Variants in BCAS3 observed in about 807,000 individuals in gnomAD.
The protein encoded by BCAS3 is BCAS4/BCAS3 fusion.
Under a neutral mutation model 116.1 loss-of-function variants are expected in BCAS3, and 53 were observed. The ratio of observed to expected loss-of-function variants is 0.46; its 90% confidence interval spans 0.37 to 0.57. The LOEUF is 0.57. BCAS3 is among the 20% of genes least tolerant of loss of function. The pLI, the probability that BCAS3 is intolerant of heterozygous loss-of-function variation, is 0.00. For synonymous variants in BCAS3, 391 were observed against 408.2 expected, an observed-to-expected ratio of 0.96 and a Z score of 0.51; for missense variants, 917 against 1,165.4, an observed-to-expected ratio of 0.79 and a Z score of 3.10.
intron 15 of BCAS3, among the ~76,000 whole-genome samples, chr17:61,010,792 G>A (rs751958454): frequency 5.3e-5 from 8 of 151,916 alleles, no homozygotes; most frequent in East Asian, 1.9e-4. Context: ...TCCATCTATC[G>A]TGGGGACTGG....
intron 12 of BCAS3, among the ~76,000 whole-genome samples, chr17:60,915,290 A>G (rs2058721015): frequency 6.6e-6 from 1 of 152,128 alleles, no homozygotes; most frequent in Non-Finnish European, 1.5e-5. Context: ...ATGGACAATG[A>G]TACACTCTGT....
At chr17:60,976,787 A>G (rs1389763921) in intron 14 of BCAS3, among the ~76,000 whole-genome samples, 1 of 152,208 alleles carries the variant, frequency 6.6e-6, no homozygotes, top group African/African-American at 2.4e-5. Context: ...ATCCCAAGGC[A>G]GAAGAATTTT....
At chr17:60,923,986 C>T (rs2059236438) in intron 12 of BCAS3, among the ~76,000 whole-genome samples, 3 of 152,138 alleles carry the variant, frequency 2.0e-5, no homozygotes, top group African/African-American at 7.2e-5. Context: ...CCCCCCCATT[C>T]TTATATTTCA....
chr17:60,680,557 C>T (rs139358940), intron 2 of BCAS3, among the ~76,000 whole-genome samples: 226 of 151,954 alleles, frequency 1.5e-3, no homozygotes, highest in African/African-American at 3.7e-3. Flanking sequence ...GTATATGTCT[C>T]TGTTTTTGGC....
chr17:61,187,626 G>A (rs942217754), intron 22 of BCAS3, among the ~76,000 whole-genome samples: 1 of 152,174 alleles, frequency 6.6e-6, no homozygotes, highest in Non-Finnish European at 1.5e-5. Flanking sequence ...TGATGACTTT[G>A]CTCATTGGCA....
intron 16 of BCAS3, among the ~76,000 whole-genome samples, chr17:61,024,790 G>T (rs2066118026): frequency 6.6e-6 from 1 of 151,990 alleles, no homozygotes; most frequent in Non-Finnish European, 1.5e-5. Context: ...TTAGACACTT[G>T]AAGTTTTTGT....
intron 22 of BCAS3, among the ~76,000 whole-genome samples, chr17:61,359,404 G>A (rs1178890922): frequency 1.3e-5 from 2 of 151,696 alleles, no homozygotes; most frequent in African/African-American, 4.8e-5. Flanking sequence ...CTCCCACTGG[G>A]CAGTGGTAGA....
rs2061352736 is a variant in BCAS3, at chr17:60,960,301, T to C, written c.1221+12949T>C. 6.6e-6 allele frequency among the ~76,000 whole-genome samples: 1 copy of C among 152,176 alleles called. No homozygotes were observed. The highest frequency in any genetic ancestry group is 6.5e-5 in the Admixed American group (1 of 15,282). Reference sequence around the variant, plus strand: ...TTATCGGCTCAAAGGTCCAATCTTATCATCTCAATCATCTGACTCTGGTAT... The same window carrying C: ...TTATCGGCTCAAAGGTCCAATCTTACCATCTCAATCATCTGACTCTGGTAT... On this transcript the variant is annotated intron_variant, in intron 14 of 23. Coordinates refer to ENST00000407086, the MANE Select transcript of BCAS3 (RefSeq NM_017679.5). This position sits in a 1 kb window ranked among gnomAD's most constrained non-coding sequence, Gnocchi z 4.1.
intron 22 of BCAS3, among the ~76,000 whole-genome samples, chr17:61,293,542 T>C (rs1369810414): frequency 1.3e-5 from 2 of 152,200 alleles, no homozygotes; most frequent in Non-Finnish European, 2.9e-5. Context: ...CCGTAGAGGA[T>C]AGCAGAACAA....
At chr17:60,979,605 C>T (rs2062656350) in intron 14 of BCAS3, among the ~76,000 whole-genome samples, 1 of 147,874 alleles carries the variant, frequency 6.8e-6, no homozygotes, top group African/African-American at 2.6e-5. Flanking sequence ...CAGTTTTTGC[C>T]CATTCAGTAT....
At chr17:60,939,678 G>C (rs2060123705) in intron 13 of BCAS3, among the ~76,000 whole-genome samples, 1 of 152,162 alleles carries the variant, frequency 6.6e-6, no homozygotes, top group African/African-American at 2.4e-5. Flanking sequence ...GGAGAGGATG[G>C]TTTGCAAGTG....
Position 60,924,517 on chromosome 17 carries a change from T to TA in BCAS3, c.1087+17_1087+18insA. 73 of 1,490,600 alleles carry TA rather than the reference T, an allele frequency of 4.9e-5. No individual in the cohort carries two copies. The highest frequency in any genetic ancestry group is 5.6e-5 in the Non-Finnish European group (62 of 1,106,112). 92.3% of individuals were successfully genotyped at this position (1,490,600 alleles called of 1,614,324 possible). ...ATACAAGTGGTAAGTTCGCTCTCTG[T>TA]CTTTTTTTTTTTTTTTTTTGTAGAC... On this transcript the variant is annotated intron_variant, in intron 13 of 23. Coordinates refer to ENST00000407086, the MANE Select transcript of BCAS3 (RefSeq NM_017679.5).
chr17:61,247,599 C>T (rs1271780981), intron 22 of BCAS3, among the ~76,000 whole-genome samples: 2 of 152,172 alleles, frequency 1.3e-5, no homozygotes, highest in African/African-American at 2.4e-5. Flanking sequence ...TACCACCTAC[C>T]AGCAAGAGCA....
chr17:61,255,227 G>A (rs1443346509), intron 22 of BCAS3, among the ~76,000 whole-genome samples: 1 of 152,104 alleles, frequency 6.6e-6, no homozygotes, highest in East Asian at 1.9e-4. Flanking sequence ...CTCTTCTCTG[G>A]TGCTTGTCAA....
Position 61,387,693 on chromosome 17 carries a change from G to A in BCAS3, c.2594-4284G>A, listed in dbSNP as rs1270237168. Among the ~76,000 whole-genome samples the A allele has an allele frequency of 6.6e-6, 1 of 152,232 alleles. No individual in the cohort carries two copies. Among genetic ancestry groups the A allele is most frequent in the Non-Finnish European group, 1.5e-5 (1 of 68,050 alleles). On this transcript the variant is annotated intron_variant, in intron 23 of 23. Coordinates refer to ENST00000407086, the MANE Select transcript of BCAS3 (RefSeq NM_017679.5). This position sits in a 1 kb window ranked among gnomAD's most constrained non-coding sequence, Gnocchi z 6.2. ...CAACAGGGAATGGCTCTCCAGCATG[G>A]GCATGGGGGCCGGTCTTAGTGATGC...
intron 19 of BCAS3, among the ~76,000 whole-genome samples, chr17:61,070,753 A>C (rs1266549650): frequency 6.6e-6 from 1 of 152,098 alleles, no homozygotes; most frequent in Non-Finnish European, 1.5e-5. Context: ...CTGTATTTAC[A>C]CAGGCAGCCT....
chr17:60,889,564 T>TA, intron 9 of BCAS3, 131 bp from the exon 10 acceptor site: 1 of 721,172 alleles, frequency 1.4e-6, no homozygotes, highest in South Asian at 1.9e-5. Flanking sequence ...TGACTAGTGT[T>TA]ACAGGAATTT....
intron 22 of BCAS3, among the ~76,000 whole-genome samples, chr17:61,322,808 G>GAGAGAGAGAGAGAGAC (rs1568850212): frequency 5.4e-5 from 7 of 129,044 alleles, no homozygotes; most frequent in African/African-American, 9.5e-5. Context: ...GAGAGAGAGA[G>GAGAGAGAGAGAGAGAC]AGAGAGAGAG....
At chr17:60,743,240 C>G (rs1367993842) in intron 5 of BCAS3, among the ~76,000 whole-genome samples, 1 of 151,806 alleles carries the variant, frequency 6.6e-6, no homozygotes, top group Non-Finnish European at 1.5e-5. Flanking sequence ...TGAAAGAAGC[C>G]ATTCCCAAGG....
Sources: allele counts gnomAD v4.1 joint callset (sites outside exome capture counted in the v4.1 genomes callset), GRCh38; gene constraint gnomAD v4.1.1; non-coding constraint Gnocchi (gnomAD v3.1); transcripts MANE v1.5; gene names NCBI Gene and HGNC (gene_info 2026-07-23, HGNC 2026-07-21).